PRLR: variants seen among roughly 807,000 people sequenced by gnomAD.
PRLR encodes prolactin receptor.
PRLR carries 13 observed loss-of-function variants against 40.2 expected under a neutral mutation model. The observed-to-expected ratio is 0.32, with a 90% CI of 0.21 to 0.51. The LOEUF is 0.51. PRLR is among the 20% of genes least tolerant of loss of function. The pLI is 0.97. For missense variants in PRLR, 656 were observed against 747.3 expected (o/e 0.88, Z 1.42); for synonymous variants, 269 against 278.7 (o/e 0.97, Z 0.35).
At chr5:35,151,682 G>A (rs1256687311) in intron 1 of PRLR, among the ~76,000 whole-genome samples, 1 of 152,166 alleles carries the variant, frequency 6.6e-6, no homozygotes, top group Non-Finnish European at 1.5e-5. Context: ...CAAGGCTCCT[G>A]AGAGGGTTCA....
chr5:35,095,161 C>A (rs1007960658), intron 2 of PRLR, among the ~76,000 whole-genome samples: 1 of 152,060 alleles, frequency 6.6e-6, no homozygotes, highest in Admixed American at 6.6e-5. Flanking sequence ...GTACAGAATG[C>A]CAACACTTAA....
chr5:35,086,736 T>C (rs1263482329), intron 3 of PRLR, among the ~76,000 whole-genome samples: 1 of 152,004 alleles, frequency 6.6e-6, no homozygotes. Flanking sequence ...GTAAAGCTGA[T>C]ACCCTCCCTC....
chr5:35,216,547 G>A (rs1776293473), intron 1 of PRLR, among the ~76,000 whole-genome samples: 1 of 152,198 alleles, frequency 6.6e-6, no homozygotes, highest in Non-Finnish European at 1.5e-5. Context: ...ACCACTCTGT[G>A]TGATCCTCTA....
intron 1 of PRLR, among the ~76,000 whole-genome samples, chr5:35,218,152 T>C (rs572298618): frequency 6.6e-6 from 1 of 152,358 alleles, no homozygotes; most frequent in African/African-American, 2.4e-5. Context: ...AAATTGAGTA[T>C]AGTTTACTGC....
At chr5:35,122,855 G>T (rs1773336985) in intron 1 of PRLR, among the ~76,000 whole-genome samples, 1 of 152,184 alleles carries the variant, frequency 6.6e-6, no homozygotes, top group Non-Finnish European at 1.5e-5. Context: ...GTACCAGGGT[G>T]GCTGAGAGTG....
chr5:35,151,193 A>T (rs1312774590), intron 1 of PRLR, among the ~76,000 whole-genome samples: 1 of 152,150 alleles, frequency 6.6e-6, no homozygotes, highest in Non-Finnish European at 1.5e-5. Flanking sequence ...AGCAGGAGTG[A>T]TATAATTCCC....
At chr5:35,053,132 A>G (rs912318407), downstream of PRLR, among the ~76,000 whole-genome samples, 2 of 152,228 alleles carry the variant, frequency 1.3e-5, no homozygotes, top group Non-Finnish European at 2.9e-5. Flanking sequence ...CACTAAAGTC[A>G]GGAAGAAGAA....
chr5:35,094,824 C>CTTTTTT (rs143791323), intron 2 of PRLR, among the ~76,000 whole-genome samples: 1 of 113,980 alleles, frequency 8.8e-6, no homozygotes, highest in Non-Finnish European at 1.9e-5. Flanking sequence ...AGGAGTTGGG[C>CTTTTTT]TTTTTTTTTT....
At chr5:35,183,022 T>G (rs1270673373) in intron 1 of PRLR, among the ~76,000 whole-genome samples, 8 of 152,206 alleles carry the variant, frequency 5.3e-5, no homozygotes, top group Non-Finnish European at 1.2e-4. Context: ...AGCAACAACC[T>G]GAGACGTTCT....
intron 1 of PRLR, among the ~76,000 whole-genome samples, chr5:35,156,138 AAC>A (rs1491072064): frequency 2.0e-5 from 3 of 149,332 alleles, no homozygotes; most frequent in African/African-American, 7.6e-5. Context: ...AAAAAAAAAA[AAC>A]AAAAAAAAAA....
At chr5:35,112,189 T>G (rs934890353) in intron 2 of PRLR, among the ~76,000 whole-genome samples, 1 of 152,214 alleles carries the variant, frequency 6.6e-6, no homozygotes, top group East Asian at 1.9e-4. Context: ...GCTTGCCCAC[T>G]TGTTTTCCCC....
chr5:35,210,532 A>T (rs55904106), intron 1 of PRLR, among the ~76,000 whole-genome samples: 14,705 of 152,270 alleles, frequency 0.097, 929 homozygotes, highest in Non-Finnish European at 0.13. Flanking sequence ...ATTCAGTGCA[A>T]GGGTAGATCT....
intron 1 of PRLR, among the ~76,000 whole-genome samples, chr5:35,133,797 A>C (rs533957063): frequency 6.6e-6 from 1 of 152,340 alleles, no homozygotes; most frequent in African/African-American, 2.4e-5. Context: ...TGTTGGGAGC[A>C]AAAAAATGTC....
chr5:35,116,746 T>C (rs1773046799), intron 2 of PRLR, among the ~76,000 whole-genome samples: 1 of 152,220 alleles, frequency 6.6e-6, no homozygotes, highest in African/African-American at 2.4e-5. Flanking sequence ...AGGGCTATTA[T>C]GCTGTGGGGC....
At chr5:35,177,782 T>A (rs1290822460) in intron 1 of PRLR, among the ~76,000 whole-genome samples, 1 of 152,220 alleles carries the variant, frequency 6.6e-6, no homozygotes, top group African/African-American at 2.4e-5. Context: ...CATGTACAAG[T>A]ATTTGCTTGA....
At chr5:35,096,366 G>A (rs1771533648) in intron 2 of PRLR, among the ~76,000 whole-genome samples, 1 of 152,104 alleles carries the variant, frequency 6.6e-6, no homozygotes, top group Non-Finnish European at 1.5e-5. Flanking sequence ...TTAAAGGCAA[G>A]AATAGGAATT....
intron 1 of PRLR, among the ~76,000 whole-genome samples, chr5:35,165,425 CA>C: frequency 6.6e-6 from 1 of 152,200 alleles, no homozygotes; most frequent in Non-Finnish European, 1.5e-5. Flanking sequence ...TTACACCATT[CA>C]AAAATTGCTA....
intron 1 of PRLR, among the ~76,000 whole-genome samples, chr5:35,135,847 AC>A (rs1329504267): frequency 6.6e-6 from 1 of 152,084 alleles, no homozygotes; most frequent in African/African-American, 2.4e-5. Context: ...CCCATGGGGG[AC>A]CTGACCAGAA....
intron 1 of PRLR, among the ~76,000 whole-genome samples, chr5:35,209,181 C>T (rs1248591082): frequency 1.3e-5 from 2 of 150,970 alleles, no homozygotes; most frequent in East Asian, 1.9e-4. Flanking sequence ...AAGATGATAC[C>T]GATTTTCTTT....
Sources: gnomAD v4.1 joint callset for allele counts (sites outside exome capture counted in the v4.1 genomes callset) on GRCh38, gnomAD v4.1.1 for gene constraint, MANE v1.5 for transcripts, NCBI Gene and HGNC (gene_info 2026-07-23, HGNC 2026-07-21) for gene names.